The following PAX5 variants were observed in gnomAD, a reference collection of about 807,000 sequenced individuals.
PAX5 encodes paired box protein Pax-5.
A neutral mutation model predicts 43.7 loss-of-function variants in PAX5; 9 were observed. That is an observed-to-expected ratio of 0.21 (90% CI 0.12 to 0.36). The LOEUF (loss-of-function observed/expected upper bound fraction) is 0.36. Among genes scored for constraint, PAX5 ranks in the 10% least tolerant of loss-of-function variants. PAX5 has a pLI of 1.00. For missense variants in PAX5, 383 were observed against 532.7 expected, an observed-to-expected ratio of 0.72 and a Z score of 2.77; for synonymous variants, 228 against 214.3, an observed-to-expected ratio of 1.06 and a Z score of -0.56.
chr9:36,833,761 AT>A lies in PAX5; in HGVS notation c.*6798del, dbSNP rs1273460074. 2 of 232,570 alleles carry A rather than the reference AT, an allele frequency of 8.6e-6. No individual in the cohort carries two copies. The highest frequency in any genetic ancestry group is 1.7e-5 in the Non-Finnish European group (2 of 117,916). 14.4% of individuals were successfully genotyped at this position (232,570 alleles called of 1,614,324 possible). ...GAAAAAAAGAATACAAAACATACACATTTTTTAAGAAGCATTTTTTTTTTTC... is the reference window on the plus strand; with the variant it reads ...GAAAAAAAGAATACAAAACATACACATTTTTAAGAAGCATTTTTTTTTTTC... On this transcript the variant is annotated 3_prime_UTR_variant, in exon 10 of 10. Transcript: ENST00000358127.
chr9:36,982,354 G>A (rs1350458269), intron 5 of PAX5, among the ~76,000 whole-genome samples: 3 of 152,218 alleles, frequency 2.0e-5, no homozygotes, highest in Non-Finnish European at 4.4e-5. Context: ...TGAATCCCTT[G>A]GTTCCAGCAT....
chr9:36,947,340 T>G (rs1832617578), intron 6 of PAX5, among the ~76,000 whole-genome samples: 1 of 152,226 alleles, frequency 6.6e-6, no homozygotes, highest in Non-Finnish European at 1.5e-5. Flanking sequence ...TAAACCTTGC[T>G]TTGGATCAAG....
intron 7 of PAX5, among the ~76,000 whole-genome samples, chr9:36,910,873 G>A (rs1355746778): frequency 3.9e-5 from 6 of 152,288 alleles, no homozygotes; most frequent in South Asian, 2.1e-4. Flanking sequence ...TTTATGGGCT[G>A]AGCCTGGCTG....
At chr9:36,936,858 A>ATG (rs1831603011) in intron 6 of PAX5, among the ~76,000 whole-genome samples, 1 of 151,068 alleles carries the variant, frequency 6.6e-6, no homozygotes, top group African/African-American at 2.5e-5. Context: ...ATGCACACAC[A>ATG]CACACACACA....
chr9:36,996,038 G>A (rs1239201362), intron 5 of PAX5, among the ~76,000 whole-genome samples: 1 of 152,236 alleles, frequency 6.6e-6, no homozygotes, highest in Non-Finnish European at 1.5e-5. Context: ...CAGCCTGGAT[G>A]CCCCGGGCTC....
Position 36,840,449 on chromosome 9 carries a change from G to A in PAX5, c.*111C>T, listed in dbSNP as rs3739437. ...GGAAGAGGGGAGCTTCAGGCAAGTG[G>A]GGGATGCTGGGGGACGGTCTCATGG... On this transcript the variant is annotated 3_prime_UTR_variant, in exon 10 of 10. Transcript: ENST00000358127. The A allele has an allele frequency of 0.029, 30,240 of 1,050,558 alleles. 1,106 individuals carry two copies. Among genetic ancestry groups the A allele is most frequent in the South Asian group, 0.11 (8,468 of 74,378 alleles). 65.1% of individuals were successfully genotyped at this position (1,050,558 alleles called of 1,614,324 possible). A position where few individuals can be genotyped will look rare whatever the true frequency, so the allele number is the denominator to read the frequency against.
intron 8 of PAX5, among the ~76,000 whole-genome samples, chr9:36,880,072 T>A (rs1826268667): frequency 6.6e-6 from 1 of 152,274 alleles, no homozygotes; most frequent in Non-Finnish European, 1.5e-5. Context: ...AAATGAAATA[T>A]GCTCCATCCT....
chr9:36,962,923 G>A (rs1834096884), intron 6 of PAX5, among the ~76,000 whole-genome samples: 1 of 152,230 alleles, frequency 6.6e-6, no homozygotes, highest in South Asian at 2.1e-4. Flanking sequence ...GCTCACAGGC[G>A]AGGCCTGTGG....
intron 6 of PAX5, among the ~76,000 whole-genome samples, chr9:36,962,993 C>T (rs1273720678): frequency 1.3e-5 from 2 of 152,256 alleles, no homozygotes; most frequent in Non-Finnish European, 2.9e-5. Flanking sequence ...CCTTGACTGA[C>T]ATCCCTTCCC....
At chr9:36,922,458 AGTCT>A (rs1830248607) in intron 7 of PAX5, among the ~76,000 whole-genome samples, 2 of 152,116 alleles carry the variant, frequency 1.3e-5, no homozygotes, top group African/African-American at 2.4e-5. Context: ...CTGGCAGCTG[AGTCT>A]GTCCACATGG....
At chr9:37,008,859 A>G (rs1327781480) in intron 3 of PAX5, among the ~76,000 whole-genome samples, 2 of 152,188 alleles carry the variant, frequency 1.3e-5, no homozygotes, top group Non-Finnish European at 2.9e-5. Context: ...GGTCATAATA[A>G]AATGTCCAGT....
At chr9:36,989,443 T>G (rs1338127017) in intron 5 of PAX5, among the ~76,000 whole-genome samples, 2 of 152,168 alleles carry the variant, frequency 1.3e-5, no homozygotes, top group Non-Finnish European at 2.9e-5. Flanking sequence ...AATAAGAGTA[T>G]CCACCTGGTA....
At chr9:36,864,638 C>A (rs1824648100) in intron 8 of PAX5, among the ~76,000 whole-genome samples, 1 of 152,184 alleles carries the variant, frequency 6.6e-6, no homozygotes, top group Admixed American at 6.5e-5. Flanking sequence ...TGAGCGTGGG[C>A]CAGCCTCCCC....
At chr9:36,981,267 T>A (rs1835906933) in intron 5 of PAX5, among the ~76,000 whole-genome samples, 1 of 149,002 alleles carries the variant, frequency 6.7e-6, no homozygotes, top group Non-Finnish European at 1.5e-5. Flanking sequence ...AGCATGCTGC[T>A]TATTTTCCTT....
In PAX5 at chr9:37,002,731, G is replaced by A. The variant is rs2132398629; in HGVS notation, c.521C>T (p.Ser174Leu). Residue 174 changes from serine (S) to leucine (L), a missense_variant, in exon 5 of 10, where the codon TCG becomes TTG. Ser to Leu is a moderately radical substitution (Grantham distance 145). Around this residue, in one of 5 missense-constraint regions of PAX5, gnomAD observed 291 missense variants for 342.5 expected, o/e 0.85. Transcript: ENST00000358127. ...GCTGATGGAGTACGACGAGCCGGCC[G>A]AATCCGTGCTCACCGAGGACACCTG... ...VTQVSSVSTD[S>L]AGSSYSISGI... The A allele has an allele frequency of 6.2e-7, 1 of 1,610,590 alleles. No homozygotes were observed. The highest frequency in any genetic ancestry group is 1.1e-5 in the South Asian group (1 of 90,290).
At chr9:36,847,676 C>T (rs1411862936) in intron 8 of PAX5, among the ~76,000 whole-genome samples, 1 of 152,164 alleles carries the variant, frequency 6.6e-6, no homozygotes, top group Admixed American at 6.5e-5. Flanking sequence ...TGAGGTGTGC[C>T]AGGGTGTGAT....
intron 7 of PAX5, among the ~76,000 whole-genome samples, chr9:36,903,064 C>A (rs781407923): frequency 1.1e-4 from 17 of 152,218 alleles, no homozygotes; most frequent in Non-Finnish European, 1.9e-4. Flanking sequence ...TCCTCTCAGG[C>A]AGGCCGGGCA....
At position 36,834,213 on chromosome 9, in the gene PAX5, G is replaced by A. The variant is rs116135357; in HGVS notation, c.*6347C>T. 1.6e-3 allele frequency: 374 copies of A among 233,310 alleles called. No individual in the cohort carries two copies. Among genetic ancestry groups the A allele is most frequent in the African/African-American group, 7.8e-3 (356 of 45,466 alleles). 14.5% of individuals were successfully genotyped at this position (233,310 alleles called of 1,614,324 possible). On this transcript the variant is annotated 3_prime_UTR_variant, in exon 10 of 10. Coordinates refer to ENST00000358127, the MANE Select transcript of PAX5 (RefSeq NM_016734.3). ...AGAAGTGGGGCCCAGGCAACGCCAG[G>A]CCCTCACTGCCCGCCACCCTCTGTT...
At chr9:36,859,452 C>T (rs1288442010) in intron 8 of PAX5, among the ~76,000 whole-genome samples, 2 of 152,116 alleles carry the variant, frequency 1.3e-5, no homozygotes, top group Non-Finnish European at 2.9e-5. Context: ...TGAAAAAGCT[C>T]CCAGGGCCTC....
Sources: allele counts gnomAD v4.1 joint callset (sites outside exome capture counted in the v4.1 genomes callset), GRCh38; gene constraint gnomAD v4.1.1; regional missense constraint gnomAD v4.1.1; transcripts MANE v1.5; gene names NCBI Gene and HGNC (gene_info 2026-07-23, HGNC 2026-07-21).